Variants in SUPT3H observed in about 807,000 individuals in gnomAD.
SUPT3H encodes the protein SPT3 homolog, SAGA and STAGA complex component.
SUPT3H carries 44 observed loss-of-function variants against 44.3 expected under a neutral mutation model. The ratio of observed to expected loss-of-function variants is 0.99; its 90% confidence interval spans 0.78 to 1.28. The LOEUF (loss-of-function observed/expected upper bound fraction) is 1.28. SUPT3H is among the 50% of genes most tolerant of loss of function. The pLI, the probability that SUPT3H is intolerant of heterozygous loss-of-function variation, is 0.00. For synonymous variants in SUPT3H, 124 were observed against 125.6 expected, an observed-to-expected ratio of 0.99 and a Z score of 0.09; for missense variants, 380 against 387.1, an observed-to-expected ratio of 0.98 and a Z score of 0.15.
intron 6 of SUPT3H, among the ~76,000 whole-genome samples, chr6:44,993,864 T>TA (rs1780925003): frequency 6.6e-6 from 1 of 152,142 alleles, no homozygotes; most frequent in Non-Finnish European, 1.5e-5. Context: ...CTTGACGTAT[T>TA]ACATTGTTTC....
intron 2 of SUPT3H, among the ~76,000 whole-genome samples, chr6:45,325,891 G>A (rs1393237105): frequency 5.9e-5 from 9 of 151,718 alleles, no homozygotes; most frequent in East Asian, 3.9e-4. Flanking sequence ...ATATATTTTC[G>A]TTTTAGGAAA....
chr6:45,249,607 G>C (rs1772006174), intron 2 of SUPT3H, among the ~76,000 whole-genome samples: 1 of 152,176 alleles, frequency 6.6e-6, no homozygotes, highest in Non-Finnish European at 1.5e-5. Flanking sequence ...CAAAGTTCGG[G>C]ACCTGAAGGC....
chr6:45,048,978 T>C (rs1462208455), intron 3 of SUPT3H, among the ~76,000 whole-genome samples: 1 of 152,114 alleles, frequency 6.6e-6, no homozygotes, highest in East Asian at 1.9e-4. Context: ...CTGTACAGCA[T>C]AGTGACTATA....
intron 7 of SUPT3H, among the ~76,000 whole-genome samples, chr6:44,960,815 A>C (rs1026400185): frequency 3.3e-5 from 5 of 152,160 alleles, no homozygotes; most frequent in African/African-American, 1.2e-4. Context: ...AGTCAGAAAA[A>C]AAAAATCTTC....
intron 2 of SUPT3H, among the ~76,000 whole-genome samples, chr6:45,349,940 G>C (rs1396570402): frequency 6.6e-6 from 1 of 152,040 alleles, no homozygotes; most frequent in Non-Finnish European, 1.5e-5. Flanking sequence ...ATTGGGAAGT[G>C]ACTCAAATAA....
At chr6:44,862,817 A>G (rs1213474694) in intron 10 of SUPT3H, among the ~76,000 whole-genome samples, 1 of 152,110 alleles carries the variant, frequency 6.6e-6, no homozygotes, top group East Asian at 1.9e-4. Flanking sequence ...TAAAAGTTCA[A>G]TAAAGACGTA....
chr6:44,978,894 C>T (rs1176408878), intron 6 of SUPT3H, among the ~76,000 whole-genome samples: 1 of 152,054 alleles, frequency 6.6e-6, no homozygotes, highest in Non-Finnish European at 1.5e-5. Flanking sequence ...AAAACATGGA[C>T]AACATTGAAA....
intron 3 of SUPT3H, among the ~76,000 whole-genome samples, chr6:45,076,985 A>C (rs1795082797): frequency 6.6e-6 from 1 of 152,110 alleles, no homozygotes; most frequent in Middle Eastern, 3.2e-3. Flanking sequence ...CTTTTCATGC[A>C]TGCTATGTTC....
intron 3 of SUPT3H, among the ~76,000 whole-genome samples, chr6:45,101,172 T>C (rs901498131): frequency 6.6e-6 from 1 of 152,234 alleles, no homozygotes; most frequent in Non-Finnish European, 1.5e-5. Context: ...ACGCCTGTAA[T>C]CCCAGCACTT....
At chr6:44,976,331 G>C (rs1053548808) in intron 6 of SUPT3H, among the ~76,000 whole-genome samples, 3 of 151,838 alleles carry the variant, frequency 2.0e-5, no homozygotes, top group African/African-American at 7.3e-5. Flanking sequence ...TTAAGAAAAA[G>C]CAGAAATGTC....
rs193274936 is a variant in SUPT3H at position 44,887,520 on chromosome 6, T to C, written c.912+45133A>G. Among the ~76,000 whole-genome samples, 329 of 152,216 alleles carry C rather than the reference T, an allele frequency of 2.2e-3. 2 individuals carry two copies. The highest frequency in any genetic ancestry group is 7.6e-3 in the African/African-American group (315 of 41,546). On this transcript the variant is annotated intron_variant, in intron 10 of 10. Coordinates refer to ENST00000371459, the MANE Select transcript of SUPT3H (RefSeq NM_003599.4). ...GAACAACCTGCTCCTGAATGACTAC[T>C]GGGTACATAATGAAATGAAGGCAGA...
chr6:44,833,767 ACAAAC>A (rs1342656535), intron 10 of SUPT3H, among the ~76,000 whole-genome samples: 1 of 152,154 alleles, frequency 6.6e-6, no homozygotes, highest in Non-Finnish European at 1.5e-5. Context: ...AATAAACAAA[ACAAAC>A]CAGACAGTCC....
chr6:44,961,810 G>T lies in SUPT3H; in HGVS notation c.523C>A (p.Arg175=). The part of the protein sequence containing the change: ...ERMERAERQT[R]IMDSAQYAEF... ...GCATATTGAGCTGAATCCATAATTC[G>T]AGTTTGTCTTTCTGCTCTCTAAAAG... The change falls in exon 7 of 11, where the codon CGA becomes AGA. Residue 175 remains arginine, a synonymous_variant. Coordinates refer to ENST00000371459, the MANE Select transcript of SUPT3H (RefSeq NM_003599.4). 1 of 1,606,726 alleles carries T rather than the reference G, an allele frequency of 6.2e-7. No individual in the cohort carries two copies. The highest frequency in any genetic ancestry group is 8.5e-7 in the Non-Finnish European group (1 of 1,177,566).
intron 3 of SUPT3H, among the ~76,000 whole-genome samples, chr6:45,050,878 A>ATTTTTTTTTTTTTTTTTTTTTTTTTT (rs35575281): frequency 3.5e-5 from 3 of 86,164 alleles, no homozygotes; most frequent in African/African-American, 4.3e-5. Flanking sequence ...AGGGTATGGG[A>ATTTTTTTTTTTTTTTTTTTTTTTTTT]TTTTTTTTTT....
At chr6:45,224,822 C>G (rs536387204) in intron 2 of SUPT3H, among the ~76,000 whole-genome samples, 205 of 151,446 alleles carry the variant, frequency 1.4e-3, no homozygotes, top group African/African-American at 4.7e-3. Flanking sequence ...AAACTACACC[C>G]AACAGATTTT....
chr6:45,298,557 G>A (rs577999215), intron 2 of SUPT3H, among the ~76,000 whole-genome samples: 49 of 150,622 alleles, frequency 3.3e-4, no homozygotes, highest in Admixed American at 6.0e-4. Context: ...GGACGGTCTC[G>A]ATCTCCTGAC....
intron 7 of SUPT3H, among the ~76,000 whole-genome samples, chr6:44,957,641 G>C (rs1775410179): frequency 6.6e-6 from 1 of 151,960 alleles, no homozygotes; most frequent in South Asian, 2.1e-4. Context: ...CCACATAACA[G>C]AATTAGCTTC....
chr6:44,832,885 A>G (rs1049939017), intron 10 of SUPT3H, among the ~76,000 whole-genome samples: 4 of 152,112 alleles, frequency 2.6e-5, no homozygotes, highest in African/African-American at 9.7e-5. Flanking sequence ...CATATGGACA[A>G]GGTAGAGAAA....
At chr6:44,940,923 CT>C (rs1452125484) in intron 9 of SUPT3H, among the ~76,000 whole-genome samples, 3 of 152,060 alleles carry the variant, frequency 2.0e-5, no homozygotes, top group Admixed American at 2.0e-4. Context: ...TTTTTCCTCC[CT>C]TTCACTTTCA....
Sources: allele counts gnomAD v4.1 joint callset (sites outside exome capture counted in the v4.1 genomes callset), GRCh38; gene constraint gnomAD v4.1.1; transcripts MANE v1.5; gene names NCBI Gene and HGNC (gene_info 2026-07-23, HGNC 2026-07-21).